Variants in PHACTR2 observed in about 807,000 individuals in gnomAD.
The protein encoded by PHACTR2 is phosphatase and actin regulator 2.
Under a neutral mutation model 76.0 loss-of-function variants are expected in PHACTR2, and 30 were observed. The observed-to-expected ratio is 0.39, with a 90% confidence interval of 0.30 to 0.54. The LOEUF is 0.54. Ranked by LOEUF, PHACTR2 falls within the 20% of genes least tolerant of loss-of-function variation. The pLI is 0.61. For synonymous variants in PHACTR2, 292 were observed against 292.5 expected (o/e 1.00, Z 0.02); for missense variants, 696 against 781.1 (o/e 0.89, Z 1.30).
At chr6:143,732,574 T>A (rs570719931) in intron 2 of PHACTR2, among the ~76,000 whole-genome samples, 18 of 152,388 alleles carry the variant, frequency 1.2e-4, no homozygotes, top group African/African-American at 3.8e-4. Flanking sequence ...ATAATGTTGC[T>A]GTGTGCATTT....
chr6:143,667,847 G>C (rs1051366890), intron 1 of PHACTR2, among the ~76,000 whole-genome samples: 2 of 152,126 alleles, frequency 1.3e-5, no homozygotes, highest in Non-Finnish European at 2.9e-5. Context: ...TTGACTTCCT[G>C]TCTTCCTATT....
intron 1 of PHACTR2, among the ~76,000 whole-genome samples, chr6:143,569,433 G>A (rs1775413480): frequency 6.6e-6 from 1 of 152,176 alleles, no homozygotes; most frequent in South Asian, 2.1e-4. Context: ...TCAAGCCAAT[G>A]ATATCTGGGG....
chr6:143,788,886 G>C lies in PHACTR2; in HGVS notation c.1821G>C (p.Trp607Cys). 1.9e-6 allele frequency: 3 copies of C among 1,612,586 alleles called. No homozygotes were observed. Among genetic ancestry groups the C allele is most frequent in the Non-Finnish European group, 2.5e-6 (3 of 1,178,874 alleles). The change falls in exon 11 of 13, where the codon TGG becomes TGC. Residue 607 changes from tryptophan (W) to cysteine (C), a missense_variant. This residue lies in a region of PHACTR2 where 236 missense variants were observed against 330.2 expected (regional missense o/e 0.71). Coordinates refer to ENST00000440869, the MANE Select transcript of PHACTR2 (RefSeq NM_001100164.2). ...PDYDRRADKP[W>C]ARLTPADKAA... is the part of the protein sequence containing the mutation. Reference sequence around the variant, plus strand: ...ATGACCGCCGAGCAGACAAGCCCTGGGCCAGGTTAACACCTGCAGACAAGG... The same window carrying C: ...ATGACCGCCGAGCAGACAAGCCCTGCGCCAGGTTAACACCTGCAGACAAGG...
chr6:143,788,589 A>G (rs1359490788), intron 10 of PHACTR2, among the ~76,000 whole-genome samples, 184 bp from the exon 11 acceptor site: 5 of 151,794 alleles, frequency 3.3e-5, no homozygotes. Context: ...AGTCTCAAAA[A>G]TTAGGGCACA....
rs529159749 is a variant in PHACTR2, at chr6:143,639,340, G to A, written c.13+31018G>A. On this transcript the variant is annotated intron_variant, in intron 1 of 11. Transcript: ENST00000305766. The surrounding 1 kb of genome is among the most constrained non-coding windows in gnomAD (Gnocchi z 5.0). ...TATAGTGATTTAATCTTTAAATCAC[G>A]TTGGGAGTTAGTGTTTATGCCATCA... Among the ~76,000 whole-genome samples, 80 of 152,246 alleles carry A rather than the reference G, an allele frequency of 5.3e-4. No individual in the cohort carries two copies. Among genetic ancestry groups the A allele is most frequent in the Middle Eastern group, 3.4e-3 (1 of 294 alleles).
Position 143,658,787 on chromosome 6 carries a change from G to C in PHACTR2, c.13+50465G>C, listed in dbSNP as rs1490716532. Among the ~76,000 whole-genome samples the C allele has an allele frequency of 6.6e-6, 1 of 152,162 alleles. No homozygotes were observed. Among genetic ancestry groups the C allele is most frequent in the Non-Finnish European group, 1.5e-5 (1 of 68,028 alleles). Reference sequence around the variant, plus strand: ...TGCCTGTAATCTCAGCACTTCGGGAGGCCAAGGTGGCAGGATCACTTGAGG... The same window carrying C: ...TGCCTGTAATCTCAGCACTTCGGGACGCCAAGGTGGCAGGATCACTTGAGG... On this transcript the variant is annotated intron_variant, in intron 1 of 11. Transcript: ENST00000305766. The surrounding 1 kb of genome is among the most constrained non-coding windows in gnomAD (Gnocchi z 4.1).
At chr6:143,705,038 G>A (rs1418131543) in intron 1 of PHACTR2, among the ~76,000 whole-genome samples, 1 of 152,002 alleles carries the variant, frequency 6.6e-6, no homozygotes, top group Non-Finnish European at 1.5e-5. Flanking sequence ...GTGTTAGCCA[G>A]ATGGTCTCCA....
chr6:143,653,578 A>C lies in PHACTR2; in HGVS notation c.13+45256A>C, dbSNP rs1338813885. Among the ~76,000 whole-genome samples, 1 of 152,048 alleles carries C rather than the reference A, an allele frequency of 6.6e-6. No homozygotes were observed. Among genetic ancestry groups the C allele is most frequent in the Non-Finnish European group, 1.5e-5 (1 of 68,022 alleles). On this transcript the variant is annotated intron_variant, in intron 1 of 11. Transcript: ENST00000305766. The surrounding 1 kb of genome is among the most constrained non-coding windows in gnomAD (Gnocchi z 4.9). Reference sequence around the variant, plus strand: ...AAATAAACTCTCACATTTTTAGAAAATTGGTTGTCAACAAGGATGCCAAGA... The same window carrying C: ...AAATAAACTCTCACATTTTTAGAAACTTGGTTGTCAACAAGGATGCCAAGA...
intron 1 of PHACTR2, among the ~76,000 whole-genome samples, chr6:143,576,323 G>A (rs952145739): frequency 2.6e-5 from 4 of 152,150 alleles, no homozygotes; most frequent in Non-Finnish European, 4.4e-5. Flanking sequence ...TCTAGATTAC[G>A]TATTTTACAA....
chr6:143,808,765 C>T (rs984862086), intron 12 of PHACTR2, among the ~76,000 whole-genome samples: 1 of 151,924 alleles, frequency 6.6e-6, no homozygotes, highest in African/African-American at 2.4e-5. Flanking sequence ...TAGAGCGTTC[C>T]AACATCCTGA....
chr6:143,771,955 G>C (rs1204191378), intron 6 of PHACTR2, among the ~76,000 whole-genome samples: 1 of 152,152 alleles, frequency 6.6e-6, no homozygotes, highest in Non-Finnish European at 1.5e-5. Flanking sequence ...GTCCATGAAA[G>C]CTTCCTGAAG....
In PHACTR2 at chr6:143,776,874, G is replaced by A. The variant is rs992925956; in HGVS notation, c.1590-454G>A. On this transcript the variant is annotated intron_variant, in intron 8 of 12. Transcript: ENST00000440869. This position sits in a 1 kb window ranked among gnomAD's most constrained non-coding sequence, Gnocchi z 5.3. The stretch of plus-strand genomic sequence containing the variant: ...TTGCTGCTCTCCCATCCCCTAGATG[G>A]TCTCAGCTGCATGATCAAAGCTGGC... Among the ~76,000 whole-genome samples the A allele has an allele frequency of 3.9e-5, 6 of 152,162 alleles. No homozygotes were observed. The highest frequency in any genetic ancestry group is 1.4e-4 in the African/African-American group (6 of 41,432).
chr6:143,780,157 A>T lies in PHACTR2; in HGVS notation c.1645+2774A>T, dbSNP rs534380521. ...CCAACATTTTATTATGAAAATTTTT[A>T]AACATGAAGAAAAGTTGGAGGAATT... On this transcript the variant is annotated intron_variant, in intron 9 of 12. Coordinates refer to ENST00000440869, the MANE Select transcript of PHACTR2 (RefSeq NM_001100164.2). The surrounding 1 kb of genome is among the most constrained non-coding windows in gnomAD (Gnocchi z 4.4). Among the ~76,000 whole-genome samples the T allele has an allele frequency of 9.5e-4, 145 of 152,268 alleles. 1 individual carries two copies. Among genetic ancestry groups the T allele is most frequent in the African/African-American group, 3.3e-3 (137 of 41,560 alleles).
At chr6:143,778,890 A>G (rs971937607) in intron 9 of PHACTR2, among the ~76,000 whole-genome samples, 15 of 152,214 alleles carry the variant, frequency 9.9e-5, no homozygotes, top group African/African-American at 3.4e-4. Flanking sequence ...GAACTGTTTC[A>G]TAGATCTAGA....
At chr6:143,723,769 A>G (rs1448757365) in intron 2 of PHACTR2, among the ~76,000 whole-genome samples, 2 of 152,046 alleles carry the variant, frequency 1.3e-5, no homozygotes, top group African/African-American at 4.8e-5. Context: ...TATCTTACCT[A>G]CTGCTCCATG....
chr6:143,707,322 A>T (rs1486166263), intron 1 of PHACTR2, among the ~76,000 whole-genome samples: 1 of 152,212 alleles, frequency 6.6e-6, no homozygotes, highest in Non-Finnish European at 1.5e-5. Flanking sequence ...TTTTGCTATG[A>T]TTGGGCTTCA....
At position 143,806,590 on chromosome 6, in the gene PHACTR2, A is replaced by G. The variant is rs112983524; in HGVS notation, c.1846-467A>G. Among the ~76,000 whole-genome samples the G allele has an allele frequency of 0.014, 2,188 of 152,328 alleles. 50 individuals are homozygous for G. The highest frequency in any genetic ancestry group is 0.05 in the African/African-American group (2,068 of 41,560). On this transcript the variant is annotated intron_variant, in intron 11 of 12. Transcript: ENST00000440869. The surrounding 1 kb of genome is among the most constrained non-coding windows in gnomAD (Gnocchi z 5.8). ...GGCCCGCTCCCACTCCCTCTTGCCAATGGCACTTGAAGGAAGTCTATCATG... is the reference window on the plus strand; with the variant it reads ...GGCCCGCTCCCACTCCCTCTTGCCAGTGGCACTTGAAGGAAGTCTATCATG...
chr6:143,817,715 C>A (rs1266671481), intron 12 of PHACTR2, among the ~76,000 whole-genome samples: 2 of 152,118 alleles, frequency 1.3e-5, no homozygotes, highest in Non-Finnish European at 2.9e-5. Context: ...CATGGATGAA[C>A]CTGGAGGATA....
intron 2 of PHACTR2, among the ~76,000 whole-genome samples, chr6:143,712,644 T>A (rs1778203823): frequency 6.6e-6 from 1 of 152,096 alleles, no homozygotes; most frequent in South Asian, 2.1e-4. Flanking sequence ...GTCTTGTTCG[T>A]TAATTAAAAC....
Sources: gnomAD v4.1 joint callset for allele counts (sites outside exome capture counted in the v4.1 genomes callset) on GRCh38, gnomAD v4.1.1 for gene constraint, gnomAD v4.1.1 regional missense constraint, Gnocchi (gnomAD v3.1) non-coding constraint, MANE v1.5 for transcripts, NCBI Gene and HGNC (gene_info 2026-07-23, HGNC 2026-07-21) for gene names.